Variants in VWC2 observed in about 807,000 individuals in gnomAD.
VWC2 encodes von Willebrand factor C domain containing 2.
Under a neutral mutation model 29.8 loss-of-function variants are expected in VWC2, and 14 were observed. That is an observed-to-expected ratio of 0.47 (90% CI 0.31 to 0.74). VWC2 has a LOEUF of 0.74. Among genes scored for constraint, VWC2 ranks in the 30% least tolerant of loss-of-function variants. The pLI, the probability that VWC2 is intolerant of heterozygous loss-of-function variation, is 0.05. For synonymous variants in VWC2, 213 were observed against 199.0 expected (o/e 1.07, Z -0.59); for missense variants, 457 against 459.8 (o/e 0.99, Z 0.05).
At chr7:49,905,272 A>T (rs1295705837) in intron 3 of VWC2, among the ~76,000 whole-genome samples, 2 of 152,200 alleles carry the variant, frequency 1.3e-5, no homozygotes, top group Admixed American at 1.3e-4. Context: ...TTATCATGAG[A>T]GTACATGATA....
chr7:49,777,624 G>T (rs1395948593), intron 2 of VWC2, among the ~76,000 whole-genome samples: 1 of 152,152 alleles, frequency 6.6e-6, no homozygotes, highest in Non-Finnish European at 1.5e-5. Flanking sequence ...GCAGCCCTTT[G>T]GAGAAAGACA....
At position 49,833,027 on chromosome 7, in the gene VWC2, A is replaced by G. The variant is rs151116932; in HGVS notation, c.826+30187A>G. Among the ~76,000 whole-genome samples, 14 of 152,330 alleles carry G rather than the reference A, an allele frequency of 9.2e-5. No homozygotes were observed. In the East Asian group the frequency reaches 2.7e-3, roughly 29 times the overall value. On this transcript the variant is annotated intron_variant, in intron 3 of 3. Transcript: ENST00000340652. ...TGGAAATGTGAAAAGTCCAGAAGTCAAAATGACCAGAGTAAGGGCTAAAGA... is the reference window on the plus strand; with the variant it reads ...TGGAAATGTGAAAAGTCCAGAAGTCGAAATGACCAGAGTAAGGGCTAAAGA...
chr7:49,918,119 C>T lies in VWC2; in HGVS notation c.*5934C>T, dbSNP rs1793821158. ...CAAAAGTTATGCTAGGTTTCCTTCA[C>T]TTATTATCACATTTAACCTCACAGT... On this transcript the variant is annotated 3_prime_UTR_variant, in exon 4 of 4. Transcript: ENST00000340652. The T allele has an allele frequency of 6.6e-6, 1 of 152,178 alleles. No individual in the cohort carries two copies. The highest frequency in any genetic ancestry group is 1.5e-5 in the Non-Finnish European group (1 of 68,026). 9.4% of individuals were successfully genotyped at this position (152,178 alleles called of 1,614,324 possible). A position where few individuals can be genotyped will look rare whatever the true frequency, so the allele number is the denominator to read the frequency against.
At chr7:49,776,900 A>C (rs767655240) in intron 2 of VWC2, among the ~76,000 whole-genome samples, 4 of 152,262 alleles carry the variant, frequency 2.6e-5, no homozygotes, top group Non-Finnish European at 4.4e-5. Context: ...TGTTGAAGGC[A>C]GAACAGCTAT....
intron 3 of VWC2, among the ~76,000 whole-genome samples, chr7:49,855,716 C>A (rs1790390563): frequency 6.6e-6 from 1 of 152,120 alleles, no homozygotes; most frequent in African/African-American, 2.4e-5. Context: ...AAAAACGAGT[C>A]CCCTGAGGGG....
intron 3 of VWC2, among the ~76,000 whole-genome samples, chr7:49,812,103 G>T (rs1217324437): frequency 6.6e-6 from 1 of 152,118 alleles, no homozygotes; most frequent in Non-Finnish European, 1.5e-5. Flanking sequence ...ATTTTGTGAA[G>T]GCAAATTTAT....
chr7:49,884,389 T>TA (rs1325280302), intron 3 of VWC2, among the ~76,000 whole-genome samples: 1 of 151,968 alleles, frequency 6.6e-6, no homozygotes, highest in Non-Finnish European at 1.5e-5. Flanking sequence ...GAACAGGAGA[T>TA]AAAGTCTCAA....
intron 2 of VWC2, among the ~76,000 whole-genome samples, chr7:49,789,538 C>T (rs13438096): frequency 0.041 from 6,216 of 152,138 alleles, 414 homozygotes; most frequent in African/African-American, 0.14. Context: ...GAACTAATCC[C>T]CATGTCACAC....
rs781453094 is a variant in VWC2 at position 49,775,870 on chromosome 7, C to T, written c.435C>T (p.Tyr145=). ...CCACGCCCGAGCCACCCGAGGAGTACGTGTACCCGGACTACCGTGGCAAGG... is the reference window on the plus strand; with the variant it reads ...CCACGCCCGAGCCACCCGAGGAGTATGTGTACCCGGACTACCGTGGCAAGG... ...LAPTPEPPEE[Y]VYPDYRGKGC... is the part of the protein sequence containing the mutation. Residue 145 remains tyrosine (Y), a synonymous_variant, in exon 2 of 4, where the codon TAC becomes TAT. Transcript: ENST00000340652. 6.4e-7 allele frequency: 1 copy of T among 1,557,316 alleles called. No individual in the cohort carries two copies. The highest frequency in any genetic ancestry group is 8.7e-7 in the Non-Finnish European group (1 of 1,151,376).
chr7:49,777,263 T>C (rs1788073401), intron 2 of VWC2, among the ~76,000 whole-genome samples: 1 of 152,218 alleles, frequency 6.6e-6, no homozygotes, highest in African/African-American at 2.4e-5. Context: ...GGAATTCTGC[T>C]GGAATACCCC....
chr7:49,904,792 G>A lies in VWC2; in HGVS notation c.827-7242G>A, dbSNP rs376444215. ...ACTCTGTCGCCCAGGTTGGAGTGCA[G>A]TGGCGCGATCTCGGCTCACTGCAAC... On this transcript the variant is annotated intron_variant, in intron 3 of 3. Coordinates refer to ENST00000340652, the MANE Select transcript of VWC2 (RefSeq NM_198570.5). Among the ~76,000 whole-genome samples the A allele has an allele frequency of 3.4e-5, 5 of 146,868 alleles. No individual in the cohort carries two copies. In the South Asian group the frequency reaches 6.4e-4, roughly 19 times the overall value.
chr7:49,775,322 T>C lies in VWC2; in HGVS notation c.-103-11T>C, dbSNP rs1788026350. 1 of 794,802 alleles carries C rather than the reference T, an allele frequency of 1.3e-6. No individual in the cohort carries two copies. 49.2% of individuals were successfully genotyped at this position (794,802 alleles called of 1,614,324 possible). ...CCGCGGGGCTCAGTTGTGCTGCTGT[T>C]CTCTCCGCAGGGACGGCGGCTCCCG... On this transcript the variant is annotated splice_polypyrimidine_tract_variant and intron_variant, in intron 1 of 3. Coordinates refer to ENST00000340652, the MANE Select transcript of VWC2 (RefSeq NM_198570.5).
At chr7:49,886,824 T>A (rs1444465031) in intron 3 of VWC2, among the ~76,000 whole-genome samples, 1 of 152,230 alleles carries the variant, frequency 6.6e-6, no homozygotes, top group Non-Finnish European at 1.5e-5. Flanking sequence ...CCTCTGCTTT[T>A]AATCAAAAAT....
At chr7:49,900,701 T>C (rs1475585811) in intron 3 of VWC2, among the ~76,000 whole-genome samples, 2 of 151,804 alleles carry the variant, frequency 1.3e-5, no homozygotes, top group African/African-American at 2.4e-5. Flanking sequence ...TGGACCCAGA[T>C]AGGATCACTG....
At chr7:49,865,577 C>T (rs1790850550) in intron 3 of VWC2, among the ~76,000 whole-genome samples, 1 of 152,182 alleles carries the variant, frequency 6.6e-6, no homozygotes, top group Non-Finnish European at 1.5e-5. Context: ...GGGCTTAGGA[C>T]TCCAAAAAGC....
intron 3 of VWC2, among the ~76,000 whole-genome samples, chr7:49,864,671 T>C (rs1790805969): frequency 6.6e-6 from 1 of 152,210 alleles, no homozygotes; most frequent in Non-Finnish European, 1.5e-5. Flanking sequence ...AACAGAGGCC[T>C]GCATCTTCTG....
At chr7:49,806,965 G>A (rs1320065700) in intron 3 of VWC2, among the ~76,000 whole-genome samples, 1 of 152,278 alleles carries the variant, frequency 6.6e-6, no homozygotes, top group African/African-American at 2.4e-5. Flanking sequence ...AGGATGTTTA[G>A]CAAGATCAGT....
chr7:49,908,043 G>A (rs1793202001), intron 3 of VWC2, among the ~76,000 whole-genome samples: 1 of 152,140 alleles, frequency 6.6e-6, no homozygotes, highest in Non-Finnish European at 1.5e-5. Flanking sequence ...GCCTTGCAGG[G>A]CCATTTCAAA....
At chr7:49,804,834 A>G (rs1271919404) in intron 3 of VWC2, among the ~76,000 whole-genome samples, 3 of 152,104 alleles carry the variant, frequency 2.0e-5, no homozygotes, top group African/African-American at 7.2e-5. Context: ...AACACCATCA[A>G]TATATTTACT....
Sources: gnomAD v4.1 joint callset for allele counts (sites outside exome capture counted in the v4.1 genomes callset) on GRCh38, gnomAD v4.1.1 for gene constraint, MANE v1.5 for transcripts, NCBI Gene and HGNC (gene_info 2026-07-23, HGNC 2026-07-21) for gene names.